CCDC192: variants seen among roughly 807,000 people sequenced by gnomAD.
CCDC192 encodes coiled-coil domain containing 192, also known as coiled-coil domain-containing protein 192.
Position 127,834,625 on chromosome 5 carries a change from AAAAT to A in CCDC192, c.411+36466_411+36469del, listed in dbSNP as rs1749950115. ...TTTGCAGGCAAGAATTTCAAGTTGA[AAAAT>A]AAGCCAAAATTCTCACCAGCAGAAT... On this transcript the variant is annotated intron_variant, in intron 5 of 6. Coordinates refer to ENST00000514853, the MANE Select transcript of CCDC192 (RefSeq NM_001317938.2). Among the ~76,000 whole-genome samples the A allele has an allele frequency of 2.0e-5, 3 of 152,334 alleles. No homozygotes were observed. The South Asian group carries it at 6.2e-4, about 32-fold the overall frequency.
intron 5 of CCDC192, among the ~76,000 whole-genome samples, chr5:127,813,351 T>G (rs1758186390): frequency 6.6e-6 from 1 of 152,174 alleles, no homozygotes; most frequent in Non-Finnish European, 1.5e-5. Context: ...AACAAGTAAA[T>G]TTTTGTATAG....
intron 5 of CCDC192, among the ~76,000 whole-genome samples, chr5:127,807,768 T>A (rs1486688535): frequency 6.6e-6 from 1 of 152,166 alleles, no homozygotes; most frequent in Non-Finnish European, 1.5e-5. Context: ...GCTCAATGCT[T>A]AGCTTTAAAA....
intron 6 of CCDC192, among the ~76,000 whole-genome samples, chr5:127,880,238 G>T (rs1752290668): frequency 6.6e-6 from 1 of 151,754 alleles, no homozygotes; most frequent in Non-Finnish European, 1.5e-5. Flanking sequence ...TTAAGAAAAT[G>T]TGGCACATAT....
intron 6 of CCDC192, among the ~76,000 whole-genome samples, chr5:127,918,800 CGTGTGTGTATGT>C (rs1753603932): frequency 6.6e-6 from 1 of 151,584 alleles, no homozygotes; most frequent in South Asian, 2.1e-4. Flanking sequence ...TGTATATATG[CGTGTGTGTATGT>C]GTGTGTGTCT....
At chr5:127,932,621 C>T (rs10072806) in intron 6 of CCDC192, among the ~76,000 whole-genome samples, 9,211 of 152,222 alleles carry the variant, frequency 0.061, 554 homozygotes, top group East Asian at 0.25. Flanking sequence ...TTGTAACCTT[C>T]GGGCTGATGC....
chr5:127,754,833 T>C (rs1754484470), intron 3 of CCDC192, among the ~76,000 whole-genome samples: 1 of 152,182 alleles, frequency 6.6e-6, no homozygotes, highest in Non-Finnish European at 1.5e-5. Context: ...AATATTGACA[T>C]CCCTCTTGGG....
At chr5:127,898,923 CAAGGGTCCCT>C (rs1752967563) in intron 6 of CCDC192, among the ~76,000 whole-genome samples, 1 of 152,158 alleles carries the variant, frequency 6.6e-6, no homozygotes, top group South Asian at 2.1e-4. Flanking sequence ...TCACTGTGAA[CAAGGGTCCCT>C]AACCTCAGTT....
intron 6 of CCDC192, among the ~76,000 whole-genome samples, chr5:127,927,265 T>C (rs534141882): frequency 6.6e-6 from 1 of 152,256 alleles, no homozygotes; most frequent in East Asian, 1.9e-4. Context: ...CTTATTACAG[T>C]ATGTTGTTAT....
chr5:127,724,694 C>A (rs968861125), intron 2 of CCDC192, among the ~76,000 whole-genome samples: 1 of 151,884 alleles, frequency 6.6e-6, no homozygotes, highest in Non-Finnish European at 1.5e-5. Flanking sequence ...GCTGAAAATA[C>A]AAAAATTATC....
intron 2 of CCDC192, among the ~76,000 whole-genome samples, chr5:127,738,905 G>C (rs374257368): frequency 6.6e-6 from 1 of 151,434 alleles, no homozygotes; most frequent in South Asian, 2.1e-4. Context: ...TAATTTGATC[G>C]TCTGAAGCCT....
intron 5 of CCDC192, among the ~76,000 whole-genome samples, chr5:127,804,203 G>A (rs1757659839): frequency 1.3e-5 from 2 of 152,190 alleles, no homozygotes; most frequent in African/African-American, 4.8e-5. Context: ...CAGAGGACAT[G>A]GCCTGTTTCC....
intron 6 of CCDC192, among the ~76,000 whole-genome samples, chr5:127,891,884 G>C (rs151852): frequency 0.28 from 42,615 of 151,942 alleles, 6,256 homozygotes; most frequent in African/African-American, 0.36. Flanking sequence ...TATCTTTTAG[G>C]TTACCTAACA....
intron 3 of CCDC192, among the ~76,000 whole-genome samples, chr5:127,767,467 A>C (rs1755294282): frequency 6.6e-6 from 1 of 152,348 alleles, no homozygotes; most frequent in South Asian, 2.1e-4. Context: ...TCTGCTTTGC[A>C]GTAGCTCTAT....
At chr5:127,896,401 C>G (rs1752887288) in intron 6 of CCDC192, among the ~76,000 whole-genome samples, 1 of 151,978 alleles carries the variant, frequency 6.6e-6, no homozygotes, top group Non-Finnish European at 1.5e-5. Flanking sequence ...AAATTTCCCA[C>G]TTGTAGCTCC....
At chr5:127,765,236 C>G (rs1230461406) in intron 3 of CCDC192, among the ~76,000 whole-genome samples, 1 of 152,056 alleles carries the variant, frequency 6.6e-6, no homozygotes, top group African/African-American at 2.4e-5. Flanking sequence ...GAGAGTCTTC[C>G]AGATTCTACA....
At chr5:127,739,611 G>C (rs1364230657) in intron 2 of CCDC192, 1 of 153,010 alleles carries the variant, frequency 6.5e-6, no homozygotes, top group African/African-American at 2.4e-5. Context: ...CTCCGAGCCA[G>C]GTGCGGGATA....
At chr5:127,818,642 T>A (rs1464994307) in intron 5 of CCDC192, among the ~76,000 whole-genome samples, 1 of 152,144 alleles carries the variant, frequency 6.6e-6, no homozygotes, top group Non-Finnish European at 1.5e-5. Context: ...AGGGTGGAGC[T>A]GGAGACTGCT....
At chr5:127,939,322 G>A (rs955683032) in intron 6 of CCDC192, among the ~76,000 whole-genome samples, 20 of 151,916 alleles carry the variant, frequency 1.3e-4, no homozygotes, top group African/African-American at 4.8e-4. Flanking sequence ...TTCACCATTT[G>A]GCCAGGCTGG....
intron 2 of CCDC192, among the ~76,000 whole-genome samples, chr5:127,738,751 G>A (rs1415751848): frequency 4.6e-5 from 7 of 152,050 alleles, no homozygotes; most frequent in Admixed American, 6.6e-5. Flanking sequence ...CATTCGTCAC[G>A]TAGTTCTCGA....
Sources: allele counts gnomAD v4.1 joint callset (sites outside exome capture counted in the v4.1 genomes callset), GRCh38; gene constraint gnomAD v4.1.1; transcripts MANE v1.5; gene names NCBI Gene and HGNC (gene_info 2026-07-23, HGNC 2026-07-21).